CNTNAP2: variants seen among roughly 807,000 people sequenced by gnomAD.
The protein encoded by CNTNAP2 is contactin-associated protein-like 2.
Under a neutral mutation model 155.2 loss-of-function variants are expected in CNTNAP2, and 98 were observed. The observed-to-expected ratio is 0.63, with a 90% CI of 0.54 to 0.75. The LOEUF is 0.75. Among genes scored for constraint, CNTNAP2 ranks in the 30% least tolerant of loss-of-function variants. CNTNAP2 has a pLI of 0.00. For missense variants in CNTNAP2, 1,727 were observed against 1,688.1 expected (o/e 1.02, Z -0.40); for synonymous variants, 651 against 631.2 (o/e 1.03, Z -0.47).
At chr7:146,239,137 C>CA (rs1799520564) in intron 1 of CNTNAP2, among the ~76,000 whole-genome samples, 1 of 152,126 alleles carries the variant, frequency 6.6e-6, no homozygotes, top group Admixed American at 6.5e-5. Context: ...TGAGTAGCAA[C>CA]AATGATTACT....
intron 3 of CNTNAP2, among the ~76,000 whole-genome samples, chr7:146,890,796 T>G (rs2129211416): frequency 6.6e-6 from 1 of 152,314 alleles, no homozygotes; most frequent in African/African-American, 2.4e-5. Context: ...TTAACTGTGG[T>G]TTACATCAGC....
intron 1 of CNTNAP2, among the ~76,000 whole-genome samples, chr7:146,432,886 G>T (rs537471604): frequency 6.6e-6 from 1 of 152,254 alleles, no homozygotes; most frequent in South Asian, 2.1e-4. Context: ...GCACTAATGA[G>T]TTGTAAGTGC....
intron 1 of CNTNAP2, among the ~76,000 whole-genome samples, chr7:146,175,031 A>G (rs903911877): frequency 6.6e-6 from 1 of 152,152 alleles, no homozygotes; most frequent in Non-Finnish European, 1.5e-5. Flanking sequence ...TGACTCATTC[A>G]TTCATTCCTT....
chr7:146,967,199 TATG>T (rs1797675383), intron 3 of CNTNAP2, among the ~76,000 whole-genome samples: 1 of 152,190 alleles, frequency 6.6e-6, no homozygotes, highest in African/African-American at 2.4e-5. Context: ...AGGTGGAAAA[TATG>T]ATTTCATTTG....
At chr7:147,916,433 C>T (rs1800163364) in intron 14 of CNTNAP2, among the ~76,000 whole-genome samples, 1 of 151,900 alleles carries the variant, frequency 6.6e-6, no homozygotes, top group Non-Finnish European at 1.5e-5. Context: ...GCAAAGAGAG[C>T]GATTAATCAG....
chr7:148,038,977 G>T (rs1802621142), intron 15 of CNTNAP2, among the ~76,000 whole-genome samples: 2 of 152,150 alleles, frequency 1.3e-5, no homozygotes, highest in Non-Finnish European at 2.9e-5. Flanking sequence ...TTAGTTAAGG[G>T]CCTCCAGAGA....
intron 8 of CNTNAP2, among the ~76,000 whole-genome samples, chr7:147,203,494 A>G (rs1802961300): frequency 6.6e-6 from 1 of 152,156 alleles, no homozygotes. Context: ...GGCCTTCCAA[A>G]GTGCTGGGAT....
At chr7:147,210,215 A>G (rs978797405) in intron 8 of CNTNAP2, among the ~76,000 whole-genome samples, 7 of 151,994 alleles carry the variant, frequency 4.6e-5, no homozygotes, top group African/African-American at 1.4e-4. Context: ...CTGTTAATCC[A>G]TCTGATTCAG....
intron 3 of CNTNAP2, among the ~76,000 whole-genome samples, chr7:146,845,598 G>T (rs1803826308): frequency 1.3e-5 from 2 of 152,132 alleles, no homozygotes; most frequent in Non-Finnish European, 2.9e-5. Context: ...ACAATTTTCA[G>T]AATTTTTAGT....
intron 13 of CNTNAP2, among the ~76,000 whole-genome samples, chr7:147,744,372 T>TCAA (rs1468500907): frequency 2.6e-5 from 4 of 152,170 alleles, no homozygotes; most frequent in Admixed American, 1.3e-4. Context: ...CCATAAACCA[T>TCAA]CTGTTGGTTG....
chr7:148,014,460 A>G (rs1438338974), intron 15 of CNTNAP2, among the ~76,000 whole-genome samples: 2 of 152,320 alleles, frequency 1.3e-5, no homozygotes, highest in South Asian at 2.1e-4. Flanking sequence ...ATTATTTACT[A>G]GAATCTGGCA....
chr7:147,315,702 G>C (rs913457420), intron 9 of CNTNAP2, among the ~76,000 whole-genome samples: 1 of 151,820 alleles, frequency 6.6e-6, no homozygotes, highest in Non-Finnish European at 1.5e-5. Flanking sequence ...TGATGGTCTC[G>C]ATCTCCTGAC....
chr7:148,195,137 C>A (rs560626094), intron 18 of CNTNAP2, among the ~76,000 whole-genome samples: 7 of 152,296 alleles, frequency 4.6e-5, no homozygotes, highest in African/African-American at 1.4e-4. Flanking sequence ...TTTCCTTTCT[C>A]TTTCTTGTAT....
chr7:146,851,175 G>A (rs762725696), intron 3 of CNTNAP2, among the ~76,000 whole-genome samples: 38 of 151,936 alleles, frequency 2.5e-4, no homozygotes, highest in Non-Finnish European at 3.5e-4. Flanking sequence ...AATAGAGGTC[G>A]GGTTTTGCCA....
At chr7:146,308,426 C>T (rs1800758756) in intron 1 of CNTNAP2, among the ~76,000 whole-genome samples, 1 of 152,150 alleles carries the variant, frequency 6.6e-6, no homozygotes, top group Admixed American at 6.5e-5. Context: ...GTGGCGATTC[C>T]TCAGGGATCT....
At chr7:147,087,233 T>G (rs542580193) in intron 4 of CNTNAP2, among the ~76,000 whole-genome samples, 36 of 152,320 alleles carry the variant, frequency 2.4e-4, no homozygotes, top group African/African-American at 8.7e-4. Flanking sequence ...TATCATTAGA[T>G]ACAGTATCTC....
At chr7:146,705,631 G>A (rs933152460) in intron 1 of CNTNAP2, among the ~76,000 whole-genome samples, 6 of 152,022 alleles carry the variant, frequency 3.9e-5, no homozygotes, top group African/African-American at 1.4e-4. Flanking sequence ...CACATGGCTG[G>A]GAGACCTCAC....
chr7:148,211,359 C>T (rs904491026), intron 18 of CNTNAP2, among the ~76,000 whole-genome samples: 2 of 152,178 alleles, frequency 1.3e-5, no homozygotes, highest in African/African-American at 4.8e-5. Flanking sequence ...GGTTTATTTA[C>T]AGCAGAAGGT....
intron 1 of CNTNAP2, among the ~76,000 whole-genome samples, chr7:146,740,421 T>A: frequency 6.6e-6 from 1 of 152,186 alleles, no homozygotes; most frequent in East Asian, 1.9e-4. Flanking sequence ...TATTTTATAT[T>A]ATTTTCAGGC....
Sources: allele counts gnomAD v4.1 joint callset (sites outside exome capture counted in the v4.1 genomes callset), GRCh38; gene constraint gnomAD v4.1.1; transcripts MANE v1.5; gene names NCBI Gene and HGNC (gene_info 2026-07-23, HGNC 2026-07-21).